Variants in NUP85 observed in about 807,000 individuals in gnomAD.
NUP85 encodes the protein nuclear pore complex protein Nup85.
In NUP85, 23 loss-of-function variants were observed where a neutral mutation model predicts 92.8. That is an observed-to-expected ratio of 0.25 (90% CI 0.18 to 0.35). The LOEUF (loss-of-function observed/expected upper bound fraction) is 0.35, where lower values mean the gene tolerates loss of function less well. Among genes scored for constraint, NUP85 ranks in the 10% least tolerant of loss-of-function variants. The probability of loss-of-function intolerance (pLI) is 1.00; values close to 1 mark genes in which losing one functional copy is unlikely to be tolerated. For synonymous variants in NUP85, 314 were observed against 306.9 expected, an observed-to-expected ratio of 1.02 and a Z score of -0.24; for missense variants, 759 against 822.8, an observed-to-expected ratio of 0.92 and a Z score of 0.95.
intron 6 of NUP85, 65 bp downstream of exon 6, chr17:75,215,888 T>A: frequency 6.7e-6 from 9 of 1,347,874 alleles, no homozygotes; most frequent in Non-Finnish European, 9.6e-6. Flanking sequence ...TCTTTCCTCA[T>A]CTTTCCTGTG....
rs114077696 is a variant in NUP85, at chr17:75,231,315, C to A, written c.1095-25C>A. The stretch of plus-strand genomic sequence containing the variant: ...CGCGGCCTGTGCCCTGATTTTCCTT[C>A]TTGCCTTGGTGTCTGAATCTGCAGC... On this transcript the variant is annotated intron_variant, in intron 11 of 18. Coordinates refer to ENST00000245544, the MANE Select transcript of NUP85 (RefSeq NM_024844.5). This position sits in a 1 kb window ranked among gnomAD's most constrained non-coding sequence, Gnocchi z 4.6. The A allele has an allele frequency of 1.7e-3, 2,756 of 1,613,628 alleles. 38 individuals carry two copies. In the African/African-American group the frequency reaches 0.031, roughly 18 times the overall value.
intron 16 of NUP85, among the ~76,000 whole-genome samples, chr17:75,233,727 T>C (rs1351481882): frequency 6.6e-6 from 1 of 152,054 alleles, no homozygotes; most frequent in Non-Finnish European, 1.5e-5. Context: ...GCCTCCCAAG[T>C]AGCTGGGACT....
intron 1 of NUP85, among the ~76,000 whole-genome samples, chr17:75,206,201 T>C (rs2075075641): frequency 6.6e-6 from 1 of 152,188 alleles, no homozygotes; most frequent in Non-Finnish European, 1.5e-5. Context: ...ATTCAACGTA[T>C]TATCTCAGGA....
intron 11 of NUP85, chr17:75,226,935 C>G: frequency 3.5e-6 from 1 of 283,708 alleles, no homozygotes; most frequent in Non-Finnish European, 7.2e-6. Flanking sequence ...TTCCAGCCCT[C>G]TATCCAAAAG....
chr17:75,216,395 A>G (rs112347453), intron 6 of NUP85: 9,583 of 152,374 alleles, frequency 0.063, 820 homozygotes, highest in African/African-American at 0.18. Context: ...CCTCCTGAGT[A>G]GCTGGGATTA....
At chr17:75,208,665 T>A in intron 2 of NUP85, 45 bp downstream of exon 2, 1 of 1,112,836 alleles carries the variant, frequency 9.0e-7, no homozygotes, top group Non-Finnish European at 1.4e-6. Context: ...GCACATTTGG[T>A]TGTTTTTCTG....
intron 1 of NUP85, 24 bp from the exon 2 acceptor site, chr17:75,208,503 G>T (rs28408652): frequency 8.6e-5 from 91 of 1,062,484 alleles, no homozygotes; most frequent in Middle Eastern, 2.2e-4. Context: ...TTTCATTTTA[G>T]ATTTCTATGC....
At chr17:75,235,374 T>C in intron 18 of NUP85, 173 bp downstream of exon 18, 2 of 618,906 alleles carry the variant, frequency 3.2e-6, no homozygotes. Flanking sequence ...TCAGGGATTC[T>C]AGTGTTCTCA....
rs375169622 is a variant in NUP85, at chr17:75,218,221, G to A, written c.512G>A (p.Arg171Gln). The A allele has an allele frequency of 9.3e-6, 15 of 1,613,910 alleles. No homozygotes were observed. The highest frequency in any genetic ancestry group is 1.3e-5 in the Non-Finnish European group (15 of 1,179,926). Reference protein sequence around the residue: ...PLLLHLLDWVRLHVCEVDSLS... With the variant: ...PLLLHLLDWVQLHVCEVDSLS... ...CTCCTCCATCTCCTTGACTGGGTCC[G>A]GCTCCATGTGTGCGAGGTGGACAGT... Residue 171 changes from arginine (R) to glutamine (Q), a missense_variant, in exon 7 of 19, where the codon CGG (arginine) becomes CAG (glutamine). Physicochemically the swap from Arg to Gln is conservative, Grantham distance 43. Transcript: ENST00000245544.
intron 6 of NUP85, among the ~76,000 whole-genome samples, chr17:75,217,714 C>T (rs1378132105): frequency 6.6e-6 from 1 of 152,164 alleles, no homozygotes; most frequent in Non-Finnish European, 1.5e-5. Flanking sequence ...ACCATGTTGT[C>T]CAGGCTGGTC....
At position 75,224,202 on chromosome 17, in the gene NUP85, C is replaced by G. The variant is rs540362713; in HGVS notation, c.598-901C>G. On this transcript the variant is annotated intron_variant, in intron 7 of 18. Coordinates refer to ENST00000245544, the MANE Select transcript of NUP85 (RefSeq NM_024844.5). ...CTGGGACTACAGGCGCCTGCCACCACGCCTGGCTAATTTTTTGTATTTTTA... is the reference window on the plus strand; with the variant it reads ...CTGGGACTACAGGCGCCTGCCACCAGGCCTGGCTAATTTTTTGTATTTTTA... Among the ~76,000 whole-genome samples, 513 of 152,136 alleles carry G rather than the reference C, an allele frequency of 3.4e-3. 3 individuals carry two copies. The highest frequency in any genetic ancestry group is 0.012 in the African/African-American group (492 of 41,512).
At chr17:75,220,495 C>G (rs924867639) in intron 7 of NUP85, among the ~76,000 whole-genome samples, 3 of 151,766 alleles carry the variant, frequency 2.0e-5, no homozygotes, top group Non-Finnish European at 2.9e-5. Context: ...TCACTGTAGC[C>G]TTGGCCTCCA....
intron 7 of NUP85, among the ~76,000 whole-genome samples, chr17:75,219,896 T>C (rs112228946): frequency 0.021 from 3,206 of 151,918 alleles, 63 homozygotes; most frequent in Non-Finnish European, 0.034. Context: ...TGCTGTGTTC[T>C]AGAGCCAGGG....
At chr17:75,212,205 T>A (rs992622827) in intron 4 of NUP85, 143 bp downstream of exon 4, 1 of 370,262 alleles carries the variant, frequency 2.7e-6, no homozygotes, top group Non-Finnish European at 4.9e-6. Flanking sequence ...TCATAATCCT[T>A]ACTTTTTTGG....
chr17:75,235,013 AG>A, intron 17 of NUP85, 86 bp from the exon 18 acceptor site: 1 of 1,157,280 alleles, frequency 8.6e-7, no homozygotes, highest in South Asian at 1.2e-5. Flanking sequence ...AGGGTATGAA[AG>A]GAAGAACGTC....
intron 17 of NUP85, 109 bp from the exon 18 acceptor site, chr17:75,234,991 A>G: frequency 9.5e-7 from 1 of 1,053,850 alleles, no homozygotes; most frequent in Non-Finnish European, 1.5e-6. Context: ...TATACAAAGC[A>G]CACTATTGCG....
In NUP85 at chr17:75,231,644, A is replaced by C. The variant is rs772349233; in HGVS notation, c.1244+6A>C. 6.2e-7 allele frequency: 1 copy of C among 1,614,002 alleles called. No individual in the cohort carries two copies. The highest frequency in any genetic ancestry group is 1.1e-5 in the South Asian group (1 of 91,084). On this transcript the variant is annotated splice_donor_region_variant and intron_variant, in intron 13 of 18. Coordinates refer to ENST00000245544, the MANE Select transcript of NUP85 (RefSeq NM_024844.5). The surrounding 1 kb of genome is among the most constrained non-coding windows in gnomAD (Gnocchi z 4.6). ...GGACTGTTTGCTCATCCCAGGTAGG[A>C]AGGACCCCATGGGTGTGGGCTATGC...
chr17:75,229,498 C>A (rs1247225278), intron 11 of NUP85, among the ~76,000 whole-genome samples: 1 of 152,192 alleles, frequency 6.6e-6, no homozygotes, highest in East Asian at 1.9e-4. Context: ...TTAGGCCTTT[C>A]TTGCCTTGAA....
intron 11 of NUP85, chr17:75,228,586 T>C: frequency 1.0e-6 from 1 of 985,440 alleles, no homozygotes; most frequent in Non-Finnish European, 1.2e-6. Context: ...GGCACTTGTT[T>C]TCTCATGGGA....
Sources: allele counts gnomAD v4.1 joint callset (sites outside exome capture counted in the v4.1 genomes callset), GRCh38; gene constraint gnomAD v4.1.1; non-coding constraint Gnocchi (gnomAD v3.1); transcripts MANE v1.5; gene names NCBI Gene and HGNC (gene_info 2026-07-23, HGNC 2026-07-21).